Variants in CAMK4 observed in about 807,000 individuals in gnomAD.
CAMK4 encodes calcium/calmodulin-dependent protein kinase type IV.
In CAMK4, 22 loss-of-function variants were observed where a neutral mutation model predicts 44.9. The ratio of observed to expected loss-of-function variants is 0.49; its 90% CI spans 0.35 to 0.70. CAMK4 has a LOEUF of 0.70. Ranked by LOEUF, CAMK4 falls within the 30% of genes least tolerant of loss-of-function variation. The probability of loss-of-function intolerance (pLI) is 0.01; values close to 1 mark genes in which losing one functional copy is unlikely to be tolerated. For missense variants in CAMK4, 498 were observed against 586.8 expected (o/e 0.85, Z 1.56); for synonymous variants, 218 against 215.4 (o/e 1.01, Z -0.11).
intron 1 of CAMK4, among the ~76,000 whole-genome samples, chr5:111,328,910 G>C (rs1445033322): frequency 6.6e-6 from 1 of 151,838 alleles, no homozygotes; most frequent in Non-Finnish European, 1.5e-5. Context: ...GGAGATTTTG[G>C]GCTGAGACGA....
chr5:111,418,780 T>G (rs1054635971), intron 5 of CAMK4, among the ~76,000 whole-genome samples: 1 of 152,182 alleles, frequency 6.6e-6, no homozygotes, highest in South Asian at 2.1e-4. Flanking sequence ...AGTCTTCATT[T>G]TTTATGGCTG....
chr5:111,236,969 T>G (rs1297350133), intron 1 of CAMK4, among the ~76,000 whole-genome samples: 1 of 152,222 alleles, frequency 6.6e-6, no homozygotes, highest in East Asian at 1.9e-4. Flanking sequence ...AAAACTGTCT[T>G]TCTTCAGGAT....
chr5:111,283,678 G>C (rs1385634302), intron 1 of CAMK4, among the ~76,000 whole-genome samples: 1 of 152,168 alleles, frequency 6.6e-6, no homozygotes, highest in African/African-American at 2.4e-5. Context: ...CAGGGTTGTA[G>C]TTGTCCAAGT....
intron 5 of CAMK4, among the ~76,000 whole-genome samples, chr5:111,423,655 C>T (rs1753110643): frequency 6.6e-6 from 1 of 152,172 alleles, no homozygotes; most frequent in East Asian, 1.9e-4. Flanking sequence ...AGTTGAATAT[C>T]ACTGAGGGAG....
chr5:111,332,547 C>T (rs1363214860), intron 1 of CAMK4, among the ~76,000 whole-genome samples: 2 of 151,526 alleles, frequency 1.3e-5, no homozygotes, highest in Non-Finnish European at 3.0e-5. Flanking sequence ...CATATGTGTG[C>T]ATGTGTCTTT....
chr5:111,309,035 A>C (rs1294314648), intron 1 of CAMK4, among the ~76,000 whole-genome samples: 1 of 152,154 alleles, frequency 6.6e-6, no homozygotes, highest in Non-Finnish European at 1.5e-5. Context: ...TCGAGATGTG[A>C]GTGAATAAGA....
intron 1 of CAMK4, among the ~76,000 whole-genome samples, chr5:111,240,078 G>T (rs922750082): frequency 6.6e-6 from 1 of 152,128 alleles, no homozygotes; most frequent in Non-Finnish European, 1.5e-5. Context: ...TGCTGCATGT[G>T]GTTCTTTCTG....
chr5:111,271,918 T>C (rs1005012156), intron 1 of CAMK4, among the ~76,000 whole-genome samples: 1 of 152,164 alleles, frequency 6.6e-6, no homozygotes, highest in Non-Finnish European at 1.5e-5. Flanking sequence ...CCAGATGTCA[T>C]TGGTGTCTCC....
At chr5:111,224,272 C>A, upstream of CAMK4, 1 of 548,584 alleles carries the variant, frequency 1.8e-6, no homozygotes. This position sits in a 1 kb window ranked among gnomAD's most constrained non-coding sequence, Gnocchi z 5.7. Context: ...CGGGCGGCGA[C>A]TCCGGGTTCC....
chr5:111,428,717 A>C (rs1329934470), intron 5 of CAMK4, among the ~76,000 whole-genome samples: 2 of 152,170 alleles, frequency 1.3e-5, no homozygotes, highest in Non-Finnish European at 2.9e-5. Context: ...AGTGAAGCAC[A>C]CCTATGGGAT....
intron 1 of CAMK4, among the ~76,000 whole-genome samples, chr5:111,234,191 T>C (rs1398290566): frequency 6.6e-6 from 1 of 152,192 alleles, no homozygotes; most frequent in Non-Finnish European, 1.5e-5. Flanking sequence ...AACATTCTAC[T>C]TTATGAAAAG....
At chr5:111,231,542 G>A (rs1003595700) in intron 1 of CAMK4, among the ~76,000 whole-genome samples, 51 of 152,298 alleles carry the variant, frequency 3.3e-4, no homozygotes, top group African/African-American at 1.1e-3. Context: ...TTTTCTTTCA[G>A]TTATGTAGAT....
chr5:111,385,867 G>C (rs306112), intron 4 of CAMK4, among the ~76,000 whole-genome samples: 1 of 152,050 alleles, frequency 6.6e-6, no homozygotes, highest in African/African-American at 2.4e-5. Context: ...AAGCCACCAC[G>C]CCCGGCTGCA....
intron 7 of CAMK4, among the ~76,000 whole-genome samples, chr5:111,467,940 A>T (rs1009303429): frequency 3.2e-5 from 3 of 94,312 alleles, no homozygotes; most frequent in Non-Finnish European, 5.2e-5. Flanking sequence ...ATTGTCACAC[A>T]CACACACACA....
intron 4 of CAMK4, among the ~76,000 whole-genome samples, chr5:111,378,691 A>T (rs577289154): frequency 6.6e-6 from 1 of 152,334 alleles, no homozygotes; most frequent in Non-Finnish European, 1.5e-5. Flanking sequence ...GGAAGTAAGC[A>T]TCAGTAGCTT....
Position 111,359,835 on chromosome 5 carries a change from C to T in CAMK4, c.241-15015C>T, listed in dbSNP as rs940863669. On this transcript the variant is annotated intron_variant, in intron 2 of 10. Coordinates refer to ENST00000282356, the MANE Select transcript of CAMK4 (RefSeq NM_001744.6). ...TTTGAGATTTTAGGATCAGAACAAT[C>T]TAGAACTGTTTTTACCATCAGGACA... Among the ~76,000 whole-genome samples, 17 of 152,152 alleles carry T rather than the reference C, an allele frequency of 1.1e-4. 1 individual carries two copies. In the East Asian group the frequency reaches 1.4e-3, roughly 12 times the overall value.
At chr5:111,416,439 T>C (rs1038565104) in intron 5 of CAMK4, 1 of 152,164 alleles carries the variant, frequency 6.6e-6, no homozygotes, top group African/African-American at 2.4e-5. Flanking sequence ...GATGAAATTA[T>C]CCAGAGAAAG....
chr5:111,445,016 T>C (rs1207793924), intron 5 of CAMK4, among the ~76,000 whole-genome samples: 1 of 152,206 alleles, frequency 6.6e-6, no homozygotes, highest in East Asian at 1.9e-4. Flanking sequence ...TGATGGAGGC[T>C]TTTAGGAAAG....
At chr5:111,250,395 A>G (rs550097794) in intron 1 of CAMK4, among the ~76,000 whole-genome samples, 293 of 152,304 alleles carry the variant, frequency 1.9e-3, no homozygotes, top group African/African-American at 6.8e-3. Flanking sequence ...CTTAAAAATC[A>G]GCTTTGTTTC....
Sources: gnomAD v4.1 joint callset for allele counts (sites outside exome capture counted in the v4.1 genomes callset) on GRCh38, gnomAD v4.1.1 for gene constraint, Gnocchi (gnomAD v3.1) non-coding constraint, MANE v1.5 for transcripts, NCBI Gene and HGNC (gene_info 2026-07-23, HGNC 2026-07-21) for gene names.